The following HDAC9 variants were observed in gnomAD, a reference collection of about 807,000 sequenced individuals.
HDAC9 encodes the protein MEF-2 interacting transcription repressor (MITR) protein.
Under a neutral mutation model 139.4 loss-of-function variants are expected in HDAC9, and 41 were observed. The ratio of observed to expected loss-of-function variants is 0.29; its 90% CI spans 0.23 to 0.38. The LOEUF is 0.38. HDAC9 is among the 10% of genes least tolerant of loss of function. The pLI, the probability that HDAC9 is intolerant of heterozygous loss-of-function variation, is 1.00. For synonymous variants in HDAC9, 517 were observed against 476.2 expected, an observed-to-expected ratio of 1.09 and a Z score of -1.12; for missense variants, 1,147 against 1,297.0, an observed-to-expected ratio of 0.88 and a Z score of 1.78.
chr7:18,990,845 G>A (rs1001077263), intron 25 of HDAC9, among the ~76,000 whole-genome samples: 2 of 152,244 alleles, frequency 1.3e-5, no homozygotes, highest in Admixed American at 1.3e-4. Flanking sequence ...GACTAGGAAA[G>A]AGAACTCCCT....
At chr7:18,603,372 T>C (rs1194575881) in intron 6 of HDAC9, among the ~76,000 whole-genome samples, 1 of 152,076 alleles carries the variant, frequency 6.6e-6, no homozygotes, top group Admixed American at 6.5e-5. Flanking sequence ...TTTAAAAAAA[T>C]ATTCACTTCT....
intron 1 of HDAC9, among the ~76,000 whole-genome samples, chr7:18,120,300 T>A (rs1784285401): frequency 6.6e-6 from 1 of 152,200 alleles, no homozygotes; most frequent in Admixed American, 6.5e-5. Context: ...CCAGTAGTAG[T>A]AAGGTTGAGA....
At chr7:18,979,525 A>G (rs1784761049) in intron 25 of HDAC9, among the ~76,000 whole-genome samples, 1 of 152,202 alleles carries the variant, frequency 6.6e-6, no homozygotes, top group Non-Finnish European at 1.5e-5. Context: ...TTATTTAGAC[A>G]ACTTAGATAA....
chr7:18,896,525 A>G (rs1436106114), intron 22 of HDAC9, among the ~76,000 whole-genome samples: 1 of 152,044 alleles, frequency 6.6e-6, no homozygotes, highest in African/African-American at 2.4e-5. Flanking sequence ...AAAGGAAGAG[A>G]GACATCCTGT....
intron 1 of HDAC9, among the ~76,000 whole-genome samples, chr7:18,385,372 T>A (rs1785821796): frequency 6.6e-6 from 1 of 152,160 alleles, no homozygotes; most frequent in Admixed American, 6.5e-5. Context: ...AATAACACCA[T>A]AAGAAATGAA....
chr7:18,836,435 C>T (rs1301902568), intron 21 of HDAC9, among the ~76,000 whole-genome samples: 1 of 152,146 alleles, frequency 6.6e-6, no homozygotes, highest in East Asian at 1.9e-4. Context: ...CTGGGGAGCT[C>T]ACTCATTTTC....
intron 1 of HDAC9, among the ~76,000 whole-genome samples, chr7:18,292,073 A>G (rs186705144): frequency 6.6e-5 from 10 of 152,286 alleles, no homozygotes; most frequent in Non-Finnish European, 1.5e-5. Flanking sequence ...GAGGATGGCA[A>G]CAAATGGATG....
At chr7:18,830,456 T>C (rs1023392675) in intron 19 of HDAC9, among the ~76,000 whole-genome samples, 7 of 152,212 alleles carry the variant, frequency 4.6e-5, no homozygotes, top group African/African-American at 7.2e-5. Flanking sequence ...AAGGTTTTTT[T>C]TTGAAGTGCA....
chr7:18,099,641 A>G (rs1461267268), intron 1 of HDAC9, among the ~76,000 whole-genome samples: 3 of 152,186 alleles, frequency 2.0e-5, no homozygotes, highest in African/African-American at 7.2e-5. Flanking sequence ...TGCTAAGACT[A>G]CTCAAGCCAA....
intron 10 of HDAC9, 104 bp downstream of exon 10, chr7:18,648,102 G>T (rs1788008898): frequency 4.3e-6 from 4 of 924,942 alleles, no homozygotes; most frequent in Non-Finnish European, 6.4e-6. Flanking sequence ...GATCCACAGT[G>T]CTATACAAAA....
intron 22 of HDAC9, among the ~76,000 whole-genome samples, chr7:18,911,819 G>T (rs542647930): frequency 6.6e-6 from 1 of 151,830 alleles, no homozygotes; most frequent in African/African-American, 2.4e-5. Context: ...AATTCCTCTT[G>T]TTATTGATTT....
At chr7:18,301,424 G>A (rs980805230) in intron 1 of HDAC9, among the ~76,000 whole-genome samples, 3 of 152,044 alleles carry the variant, frequency 2.0e-5, no homozygotes, top group Admixed American at 6.6e-5. Context: ...AAGCAATCTA[G>A]ATACATTATA....
At chr7:18,968,972 A>AAG (rs1243136050) in intron 24 of HDAC9, among the ~76,000 whole-genome samples, 1 of 149,216 alleles carries the variant, frequency 6.7e-6, no homozygotes, top group African/African-American at 2.4e-5. Context: ...AAAAAAAAAA[A>AAG]AAAAAAAAAA....
At chr7:18,134,467 T>C (rs1361360958) in intron 1 of HDAC9, among the ~76,000 whole-genome samples, 2 of 152,262 alleles carry the variant, frequency 1.3e-5, no homozygotes, top group African/African-American at 2.4e-5. Context: ...AATTCATGGA[T>C]TGAATATACA....
intron 2 of HDAC9, among the ~76,000 whole-genome samples, chr7:18,568,077 C>G (rs1440946150): frequency 7.3e-6 from 1 of 137,730 alleles, no homozygotes; most frequent in Non-Finnish European, 1.5e-5. Flanking sequence ...TATGTAGCAA[C>G]TGCTGCACAG....
chr7:18,307,113 G>C (rs926798373), intron 1 of HDAC9, among the ~76,000 whole-genome samples: 1 of 151,068 alleles, frequency 6.6e-6, no homozygotes, highest in African/African-American at 2.4e-5. Flanking sequence ...GTGTGTGTGT[G>C]TGTGTGTGTG....
intron 16 of HDAC9, among the ~76,000 whole-genome samples, chr7:18,774,627 TTTTTGCTGGTGCAGGG>T (rs559058548): frequency 1.6e-3 from 242 of 152,184 alleles, no homozygotes; most frequent in African/African-American, 5.6e-3. Context: ...AGTGGTAATC[TTTTTGCTGGTGCAGGG>T]TTTTGCTTCA....
At chr7:18,415,823 G>A (rs1788998870) in intron 1 of HDAC9, among the ~76,000 whole-genome samples, 1 of 151,810 alleles carries the variant, frequency 6.6e-6, no homozygotes, top group Non-Finnish European at 1.5e-5. Flanking sequence ...TTCAAGTATG[G>A]GATTACTATT....
At chr7:18,520,350 A>G (rs1463555822) in intron 2 of HDAC9, among the ~76,000 whole-genome samples, 1 of 152,164 alleles carries the variant, frequency 6.6e-6, no homozygotes, top group Non-Finnish European at 1.5e-5. Flanking sequence ...TCACAACTAT[A>G]GAAGAAATAG....
Sources: allele counts gnomAD v4.1 joint callset (sites outside exome capture counted in the v4.1 genomes callset), GRCh38; gene constraint gnomAD v4.1.1; transcripts MANE v1.5; gene names NCBI Gene and HGNC (gene_info 2026-07-23, HGNC 2026-07-21).